The following STAG1 variants were observed in gnomAD, a reference collection of about 807,000 sequenced individuals.
STAG1 encodes the protein cohesin subunit SA-1.
STAG1 carries 26 observed loss-of-function variants against 170.9 expected under a neutral mutation model. The observed-to-expected ratio is 0.15, with a 90% CI of 0.11 to 0.21. The LOEUF (loss-of-function observed/expected upper bound fraction) is 0.21. Ranked by LOEUF, STAG1 falls within the 10% of genes least tolerant of loss-of-function variation. STAG1 has a pLI of 1.00. For synonymous variants in STAG1, 514 were observed against 497.7 expected (o/e 1.03, Z -0.44); for missense variants, 964 against 1,509.5 (o/e 0.64, Z 5.99).
intron 10 of STAG1, among the ~76,000 whole-genome samples, chr3:136,476,472 A>C (rs2089753171): frequency 6.6e-6 from 1 of 152,228 alleles, no homozygotes; most frequent in Admixed American, 6.5e-5. Flanking sequence ...TCCAGGGGGC[A>C]AGACAGGTGG....
At chr3:136,461,120 A>C (rs1000463734) in intron 13 of STAG1, among the ~76,000 whole-genome samples, 19 of 152,198 alleles carry the variant, frequency 1.2e-4, no homozygotes, top group Non-Finnish European at 7.4e-5. Flanking sequence ...AAGCATTTGA[A>C]AGAAATCAAC....
At chr3:136,416,423 C>A (rs1334970020) in intron 21 of STAG1, among the ~76,000 whole-genome samples, 6 of 152,116 alleles carry the variant, frequency 3.9e-5, no homozygotes, top group Non-Finnish European at 7.4e-5. Context: ...ATAACAAAGA[C>A]GACAACACTG....
intron 20 of STAG1, among the ~76,000 whole-genome samples, chr3:136,418,925 G>C (rs2107723978): frequency 6.6e-6 from 1 of 152,268 alleles, no homozygotes; most frequent in African/African-American, 2.4e-5. Context: ...ATAGGTGTGA[G>C]CCACCGCGTC....
chr3:136,439,917 C>T (rs1174882736), intron 15 of STAG1, among the ~76,000 whole-genome samples: 1 of 152,136 alleles, frequency 6.6e-6, no homozygotes, highest in Non-Finnish European at 1.5e-5. Context: ...CCAAGCCAAA[C>T]CAACCTTCTG....
chr3:136,617,229 G>A (rs1939642370), intron 3 of STAG1, among the ~76,000 whole-genome samples: 1 of 152,172 alleles, frequency 6.6e-6, no homozygotes, highest in Non-Finnish European at 1.5e-5. Flanking sequence ...TCCAGCCTCT[G>A]CTGAGTCCCT....
At chr3:136,491,577 A>T (rs1356296238) in intron 9 of STAG1, among the ~76,000 whole-genome samples, 1 of 152,170 alleles carries the variant, frequency 6.6e-6, no homozygotes, top group East Asian at 1.9e-4. Flanking sequence ...ATTTGGTCTG[A>T]AGTACAGTTT....
chr3:136,528,014 T>C (rs1306078112), intron 6 of STAG1, among the ~76,000 whole-genome samples: 1 of 152,178 alleles, frequency 6.6e-6, no homozygotes, highest in African/African-American at 2.4e-5. Context: ...TGCCTCCCAG[T>C]TAGGCTACTT....
rs191418863 is a variant in STAG1 at position 136,446,929 on chromosome 3, T to A, written c.1429-3525A>T. ...AATTCTCCTGCCTCAGCCTCCTGAGTAGCTGGGACTACAGGTGCATCCCAC... is the reference window on the plus strand; with the variant it reads ...AATTCTCCTGCCTCAGCCTCCTGAGAAGCTGGGACTACAGGTGCATCCCAC... On this transcript the variant is annotated intron_variant, in intron 14 of 33. Coordinates refer to ENST00000383202, the MANE Select transcript of STAG1 (RefSeq NM_005862.3). Among the ~76,000 whole-genome samples the A allele has an allele frequency of 7.8e-3, 1,182 of 151,640 alleles. 11 individuals are homozygous for A. The highest frequency in any genetic ancestry group is 0.014 in the Non-Finnish European group (923 of 67,888).
At chr3:136,573,535 T>C (rs532830432) in intron 4 of STAG1, among the ~76,000 whole-genome samples, 3 of 151,730 alleles carry the variant, frequency 2.0e-5, no homozygotes, top group East Asian at 3.9e-4. Flanking sequence ...TGAAGAAAGA[T>C]GAAAAAGTCC....
intron 22 of STAG1, among the ~76,000 whole-genome samples, chr3:136,392,939 T>G (rs1479174366): frequency 6.6e-6 from 1 of 152,118 alleles, no homozygotes; most frequent in African/African-American, 2.4e-5. Flanking sequence ...CTACCTTGTA[T>G]TTTATAACAA....
intron 1 of STAG1, among the ~76,000 whole-genome samples, chr3:136,641,784 C>A (rs1423322299): frequency 6.6e-6 from 1 of 152,110 alleles, no homozygotes; most frequent in Non-Finnish European, 1.5e-5. Flanking sequence ...TTAATAGTAT[C>A]ATATCAGTGA....
intron 1 of STAG1, among the ~76,000 whole-genome samples, chr3:136,715,526 A>C (rs1425759565): frequency 6.6e-6 from 1 of 152,052 alleles, no homozygotes; most frequent in Non-Finnish European, 1.5e-5. Flanking sequence ...AGGCTGAGGC[A>C]GGAGAATTTC....
chr3:136,546,726 T>G (rs1936170586), intron 5 of STAG1, among the ~76,000 whole-genome samples: 1 of 152,200 alleles, frequency 6.6e-6, no homozygotes, highest in Non-Finnish European at 1.5e-5. Context: ...CTGCCCACAT[T>G]GTATACAAAT....
chr3:136,609,661 A>AT, intron 3 of STAG1: 1 of 166,642 alleles, frequency 6.0e-6, no homozygotes, highest in Non-Finnish European at 1.3e-5. Flanking sequence ...CCAGAGGAAT[A>AT]TTTTTATCAA....
At chr3:136,424,124 G>T (rs2088041072) in intron 16 of STAG1, among the ~76,000 whole-genome samples, 1 of 151,856 alleles carries the variant, frequency 6.6e-6, no homozygotes, top group East Asian at 1.9e-4. Context: ...CGGCCTTGTT[G>T]TTCAATCTTT....
At chr3:136,624,636 A>G (rs541924458) in intron 2 of STAG1, among the ~76,000 whole-genome samples, 25 of 152,232 alleles carry the variant, frequency 1.6e-4, no homozygotes, top group Non-Finnish European at 2.8e-4. Context: ...GGTATAGACC[A>G]TCCGATACAC....
Position 136,359,311 on chromosome 3 carries a change from AAAAG to A in STAG1, c.2788-19_2788-16del. 6.5e-7 allele frequency: 1 copy of A among 1,540,824 alleles called. No individual in the cohort carries two copies. Among genetic ancestry groups the A allele is most frequent in the Non-Finnish European group, 8.8e-7 (1 of 1,142,178 alleles). ...TCATTAAATAACTGATAGAAAGAAAAAAAGAAGAAAAAACCTATAGCTCAGAATT... is the reference window on the plus strand; with the variant it reads ...TCATTAAATAACTGATAGAAAGAAAAAAGAAAAAACCTATAGCTCAGAATT... On this transcript the variant is annotated splice_polypyrimidine_tract_variant and intron_variant, in intron 26 of 33. Coordinates refer to ENST00000383202, the MANE Select transcript of STAG1 (RefSeq NM_005862.3).
intron 6 of STAG1, among the ~76,000 whole-genome samples, chr3:136,528,960 A>T (rs770291693): frequency 9.9e-5 from 15 of 152,006 alleles, no homozygotes; most frequent in Non-Finnish European, 1.6e-4. Flanking sequence ...AAACAAAAAA[A>T]AACAGAAAAC....
intron 1 of STAG1, among the ~76,000 whole-genome samples, chr3:136,681,767 A>C (rs1942343995): frequency 1.3e-5 from 2 of 152,214 alleles, no homozygotes; most frequent in Admixed American, 1.3e-4. Context: ...CATTAACAGA[A>C]AGGGAGGGAG....
Sources: allele counts gnomAD v4.1 joint callset (sites outside exome capture counted in the v4.1 genomes callset), GRCh38; gene constraint gnomAD v4.1.1; transcripts MANE v1.5; gene names NCBI Gene and HGNC (gene_info 2026-07-23, HGNC 2026-07-21).